KLRK1: variants seen among roughly 807,000 people sequenced by gnomAD.
KLRK1 encodes the protein killer cell lectin like receptor K1.
A neutral mutation model predicts 31.3 loss-of-function variants in KLRK1; 40 were observed. That is an observed-to-expected ratio of 1.28 (90% CI 0.99 to 1.67). The LOEUF (loss-of-function observed/expected upper bound fraction) is 1.67. KLRK1 is among the 40% of genes most tolerant of loss of function. KLRK1 has a pLI of 0.00. For synonymous variants in KLRK1, 77 were observed against 77.3 expected, an observed-to-expected ratio of 1.00 and a Z score of 0.02; for missense variants, 251 against 260.0, an observed-to-expected ratio of 0.97 and a Z score of 0.24.
chr12:10,385,487 T>C (rs1229948211), intron 3 of KLRK1, among the ~76,000 whole-genome samples: 1 of 151,982 alleles, frequency 6.6e-6, no homozygotes, highest in African/African-American at 2.4e-5. Context: ...TACATAATGT[T>C]ACGTAGAGTA....
chr12:10,375,108 C>CAAA (rs1300004279), intron 7 of KLRK1, among the ~76,000 whole-genome samples: 1 of 152,078 alleles, frequency 6.6e-6, no homozygotes, highest in Admixed American at 6.5e-5. Context: ...TATACTGGGG[C>CAAA]TTCCAAATTA....
In KLRK1 at chr12:10,378,637, C is replaced by T; in HGVS notation, c.346G>A (p.Glu116Lys). 1 of 1,610,098 alleles carries T rather than the reference C, an allele frequency of 6.2e-7. No individual in the cohort carries two copies. The highest frequency in any genetic ancestry group is 2.2e-5 in the East Asian group (1 of 44,842). ...YKNNCYQFFDESKNWYESQAS... is the reference protein window; with the variant it reads ...YKNNCYQFFDKSKNWYESQAS... ...TGGCTCTCATACCAGTTTTTACTCT[C>T]ATCAAAAAATTGGTAGCAGTTATTT... Residue 116 changes from glutamate (E) to lysine (K), a missense_variant, in exon 6 of 8, where the codon GAG (glutamate) becomes AAG (lysine). Glu to Lys is a moderately conservative substitution (Grantham distance 56, BLOSUM62 1). Coordinates refer to ENST00000240618, the MANE Select transcript of KLRK1 (RefSeq NM_007360.4).
At chr12:10,384,271 C>A (rs1863127452) in intron 3 of KLRK1, among the ~76,000 whole-genome samples, 2 of 151,868 alleles carry the variant, frequency 1.3e-5, no homozygotes, top group African/African-American at 4.8e-5. Flanking sequence ...TTATATGGTA[C>A]CACAAAAGAC....
chr12:10,373,015 G>C lies in KLRK1; in HGVS notation c.*99C>G. The C allele has an allele frequency of 1.9e-6, 2 of 1,040,406 alleles. No homozygotes were observed. The highest frequency in any genetic ancestry group is 5.0e-5 in the East Asian group (2 of 39,932). 64.4% of individuals were successfully genotyped at this position (1,040,406 alleles called of 1,614,324 possible). A position where few individuals can be genotyped will look rare whatever the true frequency, so the allele number is the denominator to read the frequency against. ...AAATCTGACAGTCTTTGGTCATTTT[G>C]TCCTGTTTTTGTTTGTTTCCTTTAG... On this transcript the variant is annotated 3_prime_UTR_variant, in exon 8 of 8. Transcript: ENST00000240618.
At position 10,387,024 on chromosome 12, in the gene KLRK1, A is replaced by T. The variant is rs768803530; in HGVS notation, c.41-14T>A. Reference sequence around the variant, plus strand: ...ATTCACTCATCTCTAGAGAAAAAGAATTCAGGCTTATATGAGTCATGGCCT... The same window carrying T: ...ATTCACTCATCTCTAGAGAAAAAGATTTCAGGCTTATATGAGTCATGGCCT... On this transcript the variant is annotated splice_polypyrimidine_tract_variant and intron_variant, in intron 2 of 7. Transcript: ENST00000240618. 1 of 1,600,272 alleles carries T rather than the reference A, an allele frequency of 6.2e-7. No homozygotes were observed. Among genetic ancestry groups the T allele is most frequent in the Non-Finnish European group, 8.5e-7 (1 of 1,172,046 alleles).
chr12:10,388,718 T>C, intron 2 of KLRK1, 53 bp downstream of exon 2: 1 of 1,609,666 alleles, frequency 6.2e-7, no homozygotes, highest in Non-Finnish European at 8.5e-7. Context: ...AAATTCTTGG[T>C]ATCTTAAAAT....
intron 7 of KLRK1, among the ~76,000 whole-genome samples, chr12:10,374,892 A>G (rs551376787): frequency 6.6e-6 from 1 of 152,368 alleles, no homozygotes; most frequent in South Asian, 2.1e-4. Context: ...GAAATTGTGC[A>G]GTAATCAACC....
At chr12:10,382,580 A>G (rs1032491047) in intron 3 of KLRK1, among the ~76,000 whole-genome samples, 1 of 152,206 alleles carries the variant, frequency 6.6e-6, no homozygotes, top group Admixed American at 6.5e-5. Context: ...GTCTTACATG[A>G]TATGCTAAAG....
Position 10,378,662 on chromosome 12 carries a change from T to G in KLRK1, c.321A>C (p.Lys107Asn), listed in dbSNP as rs762818882. ...CATCAAAAAATTGGTAGCAGTTATT[T>G]TTGTAACATATCCAGTTTTTAGGAC... is the stretch of plus-strand genomic sequence containing the variant. ...GPCPKNWICY[K>N]NNCYQFFDES... The change falls in exon 6 of 8, where the codon AAA (lysine) becomes AAC (asparagine). Residue 107 changes from lysine to asparagine, a missense_variant. Coordinates refer to ENST00000240618, the MANE Select transcript of KLRK1 (RefSeq NM_007360.4). The G allele has an allele frequency of 6.2e-7, 1 of 1,609,904 alleles. No homozygotes were observed. The highest frequency in any genetic ancestry group is 8.5e-7 in the Non-Finnish European group (1 of 1,179,114).
In KLRK1 at chr12:10,378,712, A is replaced by C; in HGVS notation, c.278-7T>G. 6.3e-7 allele frequency: 1 copy of C among 1,590,180 alleles called. No individual in the cohort carries two copies. The highest frequency in any genetic ancestry group is 8.5e-7 in the Non-Finnish European group (1 of 1,173,310). ...CATGGGCCACAGTAACTTTCTGGAA[A>C]AGGAGAATATATTATTAATTCTACA... On this transcript the variant is annotated splice_region_variant and splice_polypyrimidine_tract_variant and intron_variant, in intron 5 of 7. Transcript: ENST00000240618.
Position 10,373,064 on chromosome 12 carries a change from G to A in KLRK1, c.*50C>T. On this transcript the variant is annotated 3_prime_UTR_variant, in exon 8 of 8. Coordinates refer to ENST00000240618, the MANE Select transcript of KLRK1 (RefSeq NM_007360.4). The stretch of plus-strand genomic sequence containing the variant: ...AGTCTCAGTTGGCAGTGTTACCGCT[G>A]GTGTAATCTCTTCTCTGTTCCTGGC... 2 of 1,515,876 alleles carry A rather than the reference G, an allele frequency of 1.3e-6. No individual in the cohort carries two copies. Among genetic ancestry groups the A allele is most frequent in the Middle Eastern group, 1.7e-4 (1 of 5,894 alleles). 93.9% of individuals were successfully genotyped at this position (1,515,876 alleles called of 1,614,324 possible). A position where few individuals can be genotyped will look rare whatever the true frequency, so the allele number is the denominator to read the frequency against.
At chr12:10,374,821 T>G (rs758108810) in intron 7 of KLRK1, among the ~76,000 whole-genome samples, 56 of 152,224 alleles carry the variant, frequency 3.7e-4, no homozygotes, top group Admixed American at 1.2e-3. Flanking sequence ...TGACTAGAGT[T>G]TGAAGCTCTA....
At chr12:10,387,082 C>G in intron 2 of KLRK1, 72 bp from the exon 3 acceptor site, 1 of 1,219,478 alleles carries the variant, frequency 8.2e-7, no homozygotes, top group Non-Finnish European at 1.1e-6. Context: ...TTTAAAAATT[C>G]AGCTTGCCAT....
chr12:10,376,517 C>T lies in KLRK1; in HGVS notation c.533+1615G>A, dbSNP rs549421873. ...CAAAAAGTAGTATCTCAAAATATGA[C>T]GGGATGTTGCCAAATCATCTCACAT... On this transcript the variant is annotated intron_variant, in intron 7 of 7. Transcript: ENST00000240618. Among the ~76,000 whole-genome samples, 100 of 152,104 alleles carry T rather than the reference C, an allele frequency of 6.6e-4. 2 individuals carry two copies. The highest frequency in any genetic ancestry group is 3.3e-4 in the Admixed American group (5 of 15,276).
In KLRK1 at chr12:10,372,972, G is replaced by A; in HGVS notation, c.*142C>T. The A allele has an allele frequency of 1.5e-6, 1 of 674,360 alleles. No homozygotes were observed. Among genetic ancestry groups the A allele is most frequent in the Non-Finnish European group, 2.5e-6 (1 of 394,516 alleles). 41.8% of individuals were successfully genotyped at this position (674,360 alleles called of 1,614,324 possible). On this transcript the variant is annotated 3_prime_UTR_variant, in exon 8 of 8. Transcript: ENST00000240618. Reference sequence around the variant, plus strand: ...TTGCAGTGAAATTGTTCTATGGTTTGGTCCTGTGGAGTCTAAGAAATCTGA... The same window carrying A: ...TTGCAGTGAAATTGTTCTATGGTTTAGTCCTGTGGAGTCTAAGAAATCTGA...
chr12:10,385,251 A>G (rs1176957085), intron 3 of KLRK1, among the ~76,000 whole-genome samples: 1 of 151,962 alleles, frequency 6.6e-6, no homozygotes, highest in Non-Finnish European at 1.5e-5. Flanking sequence ...AATGGAAAGG[A>G]AATCAGTATA....
intron 7 of KLRK1, among the ~76,000 whole-genome samples, chr12:10,376,642 A>T (rs1439184268): frequency 6.6e-6 from 1 of 151,908 alleles, no homozygotes; most frequent in East Asian, 1.9e-4. Context: ...CTATAAGAAG[A>T]CAGTAAATAA....
intron 5 of KLRK1, 74 bp downstream of exon 5, chr12:10,379,373 G>T: frequency 1.1e-6 from 1 of 905,782 alleles, no homozygotes; most frequent in Non-Finnish European, 1.6e-6. Flanking sequence ...TTTAATCATG[G>T]AATACATGTC....
intron 7 of KLRK1, 54 bp downstream of exon 7, chr12:10,378,078 G>A: frequency 6.5e-7 from 1 of 1,528,084 alleles, no homozygotes; most frequent in Non-Finnish European, 9.0e-7. Context: ...ATTATTACAG[G>A]GAAAACTTAG....
Sources: gnomAD v4.1 joint callset for allele counts (sites outside exome capture counted in the v4.1 genomes callset) on GRCh38, gnomAD v4.1.1 for gene constraint, MANE v1.5 for transcripts, NCBI Gene and HGNC (gene_info 2026-07-23, HGNC 2026-07-21) for gene names.